The following IL34 variants were observed in gnomAD, a reference collection of about 807,000 sequenced individuals.
The protein encoded by IL34 is interleukin-34.
IL34 carries 17 observed loss-of-function variants against 25.3 expected under a neutral mutation model. The observed-to-expected ratio is 0.67, with a 90% CI of 0.46 to 1.01. IL34 has a LOEUF of 1.01. IL34 is among the 50% of genes least tolerant of loss of function. The pLI is 0.00. For missense variants in IL34, 368 were observed against 312.9 expected (o/e 1.18, Z -1.33); for synonymous variants, 174 against 140.9 (o/e 1.23, Z -1.66).
intron 1 of IL34, among the ~76,000 whole-genome samples, chr16:70,605,118 A>C (rs2050982912): frequency 6.6e-6 from 1 of 152,066 alleles, no homozygotes; most frequent in Non-Finnish European, 1.5e-5. Context: ...TGGGGACTGC[A>C]GAGGTGGAGA....
At chr16:70,653,818 C>G (rs928036129) in intron 1 of IL34, among the ~76,000 whole-genome samples, 8 of 152,132 alleles carry the variant, frequency 5.3e-5, no homozygotes, top group Non-Finnish European at 1.2e-4. Flanking sequence ...AACCTTTATT[C>G]ATATTTGTTG....
upstream of IL34, among the ~76,000 whole-genome samples, chr16:70,646,121 G>A (rs1427374519): frequency 6.6e-6 from 1 of 151,886 alleles, no homozygotes; most frequent in East Asian, 1.9e-4. Flanking sequence ...TGCTGACCAG[G>A]CTGGTCTCGA....
Position 70,630,833 on chromosome 16 carries a change from A to G in IL34, c.-400-15715A>G, listed in dbSNP as rs188621279. 5.3e-5 allele frequency among the ~76,000 whole-genome samples: 8 copies of G among 152,178 alleles called. No individual in the cohort carries two copies. In the East Asian group the frequency reaches 1.5e-3, roughly 29 times the overall value. ...AGTGATCCTCTGGTCTCAGTTTTCC[A>G]AAGTGTTGAGATTATAGGAGTGAGC... On this transcript the variant is annotated intron_variant, in intron 1 of 6. Transcript: ENST00000429149.
intron 1 of IL34, among the ~76,000 whole-genome samples, chr16:70,627,726 C>G (rs1007954031): frequency 6.6e-6 from 1 of 152,122 alleles, no homozygotes; most frequent in African/African-American, 2.4e-5. Flanking sequence ...TACTTCAGAT[C>G]CCAAAGTGGT....
intron 1 of IL34, among the ~76,000 whole-genome samples, chr16:70,625,042 A>C (rs531625413): frequency 2.6e-5 from 4 of 152,100 alleles, no homozygotes; most frequent in Non-Finnish European, 4.4e-5. Flanking sequence ...AGCAAGAATT[A>C]TTTAGATTTT....
chr16:70,584,926 C>T (rs548500921), intron 1 of IL34, among the ~76,000 whole-genome samples: 1 of 152,236 alleles, frequency 6.6e-6, no homozygotes, highest in South Asian at 2.1e-4. Context: ...GTCTTGAACT[C>T]CTGACCTCAG....
chr16:70,594,970 T>C (rs1339150101), intron 1 of IL34, among the ~76,000 whole-genome samples: 2 of 150,780 alleles, frequency 1.3e-5, no homozygotes, highest in Non-Finnish European at 3.0e-5. Context: ...TTTTTTTTTT[T>C]CTGAGACAGA....
intron 1 of IL34, among the ~76,000 whole-genome samples, chr16:70,649,664 G>C (rs577820426): frequency 6.6e-6 from 1 of 152,158 alleles, no homozygotes; most frequent in Non-Finnish European, 1.5e-5. Flanking sequence ...TGGTCCCCGG[G>C]GCTGGGGGTG....
Position 70,656,635 on chromosome 16 carries a change from G to C in IL34, c.196G>C (p.Val66Leu). The change falls in exon 3 of 6, where the codon GTG becomes CTG. Residue 66 changes from valine to leucine, a missense_variant. Coordinates refer to ENST00000288098, the MANE Select transcript of IL34 (RefSeq NM_001393494.1). ...CTTCCCCATCAACTACAAGATCAGT[G>C]TGCCTTACGAGGGGGTGTTCAGAAT... Reference protein sequence around the residue: ...HYFPINYKISVPYEGVFRIAN... With the variant: ...HYFPINYKISLPYEGVFRIAN... 1 of 1,462,502 alleles carries C rather than the reference G, an allele frequency of 6.8e-7. No individual in the cohort carries two copies. Among genetic ancestry groups the C allele is most frequent in the Non-Finnish European group, 9.6e-7 (1 of 1,041,516 alleles). The allele number at this position is 1,462,502 out of a possible 1,614,324, so 90.6% of individuals were successfully genotyped here.
chr16:70,635,868 A>C (rs2051630585), intron 1 of IL34, among the ~76,000 whole-genome samples: 1 of 152,142 alleles, frequency 6.6e-6, no homozygotes, highest in South Asian at 2.1e-4. Context: ...TTTTCTGTAT[A>C]TAGAAATCCA....
intron 1 of IL34, among the ~76,000 whole-genome samples, chr16:70,620,289 C>G (rs2051252335): frequency 6.6e-6 from 1 of 152,106 alleles, no homozygotes; most frequent in African/African-American, 2.4e-5. Flanking sequence ...TGAAAAAGAG[C>G]CTAAACGCTA....
intron 1 of IL34, among the ~76,000 whole-genome samples, chr16:70,624,857 T>C (rs377753978): frequency 1.3e-4 from 19 of 151,538 alleles, no homozygotes; most frequent in African/African-American, 3.4e-4. Flanking sequence ...GATGGGTCTG[T>C]AGAAAAGGAA....
chr16:70,642,901 C>T (rs12598955), upstream of IL34, among the ~76,000 whole-genome samples: 46,850 of 151,972 alleles, frequency 0.31, 7,374 homozygotes, highest in South Asian at 0.45. Flanking sequence ...ATATTAGTGG[C>T]TGCCAGGGGC....
intron 1 of IL34, among the ~76,000 whole-genome samples, chr16:70,600,721 T>C (rs1345985025): frequency 6.6e-6 from 1 of 152,200 alleles, no homozygotes; most frequent in African/African-American, 2.4e-5. Context: ...CTGGTTGATA[T>C]GACAATATGT....
chr16:70,587,276 G>C (rs1026083827), intron 1 of IL34, among the ~76,000 whole-genome samples: 5 of 151,726 alleles, frequency 3.3e-5, no homozygotes, highest in African/African-American at 1.2e-4. Flanking sequence ...GCTGAGTTTT[G>C]CTTTTTTTTT....
At chr16:70,614,476 C>G (rs2051144464) in intron 1 of IL34, among the ~76,000 whole-genome samples, 1 of 152,174 alleles carries the variant, frequency 6.6e-6, no homozygotes, top group African/African-American at 2.4e-5. Flanking sequence ...CTTAAGCCCG[C>G]TGAGGTTTGA....
intron 1 of IL34, among the ~76,000 whole-genome samples, chr16:70,625,547 A>G (rs951660719): frequency 6.6e-6 from 1 of 152,124 alleles, no homozygotes; most frequent in Admixed American, 6.5e-5. Context: ...CTCCCCCAGA[A>G]AAGCGGGACT....
At chr16:70,621,007 G>C (rs1016143526) in intron 1 of IL34, among the ~76,000 whole-genome samples, 2 of 152,086 alleles carry the variant, frequency 1.3e-5, no homozygotes, top group Non-Finnish European at 2.9e-5. Context: ...GCAGAGAAGG[G>C]GTTGGGGCAC....
chr16:70,595,121 A>AT (rs926422585), intron 1 of IL34, among the ~76,000 whole-genome samples: 2 of 151,030 alleles, frequency 1.3e-5, no homozygotes, highest in Non-Finnish European at 1.5e-5. Context: ...CACCCAACTA[A>AT]TTTTTTTTCT....
Sources: gnomAD v4.1 joint callset for allele counts (sites outside exome capture counted in the v4.1 genomes callset) on GRCh38, gnomAD v4.1.1 for gene constraint, MANE v1.5 for transcripts, NCBI Gene and HGNC (gene_info 2026-07-23, HGNC 2026-07-21) for gene names.